ADAMTS16: variants seen among roughly 807,000 people sequenced by gnomAD.
ADAMTS16 encodes the protein A disintegrin and metalloproteinase with thrombospondin motifs 16.
Under a neutral mutation model 145.8 loss-of-function variants are expected in ADAMTS16, and 94 were observed. That is an observed-to-expected ratio of 0.64 (90% CI 0.55 to 0.77). ADAMTS16 has a LOEUF of 0.77. ADAMTS16 is among the 30% of genes least tolerant of loss of function. ADAMTS16 has a pLI of 0.00. For missense variants in ADAMTS16, 1,585 were observed against 1,591.5 expected (o/e 1.00, Z 0.07); for synonymous variants, 659 against 604.3 (o/e 1.09, Z -1.33).
chr5:5,142,231 T>G (rs763484311), intron 2 of ADAMTS16: 5 of 152,206 alleles, frequency 3.3e-5, no homozygotes, highest in African/African-American at 9.6e-5. Context: ...CTAAGTGTGC[T>G]TTTCTCCTAA....
intron 20 of ADAMTS16, among the ~76,000 whole-genome samples, chr5:5,305,212 CCA>C (rs1332599761): frequency 7.6e-5 from 4 of 52,292 alleles, no homozygotes; most frequent in Non-Finnish European, 1.6e-4. Flanking sequence ...CACATCCACA[CCA>C]CACACACACA....
intron 7 of ADAMTS16, among the ~76,000 whole-genome samples, chr5:5,191,458 A>G (rs992067365): frequency 6.6e-6 from 1 of 151,956 alleles, no homozygotes; most frequent in Admixed American, 6.6e-5. Context: ...GTTACATAGA[A>G]CCATGAATTG....
chr5:5,232,943 A>C (rs1487711008), intron 12 of ADAMTS16, among the ~76,000 whole-genome samples: 1 of 152,122 alleles, frequency 6.6e-6, no homozygotes, highest in Non-Finnish European at 1.5e-5. Context: ...ATATAATCGT[A>C]AGAAGCACTG....
intron 9 of ADAMTS16, among the ~76,000 whole-genome samples, chr5:5,202,949 A>C (rs1560947033): frequency 6.6e-6 from 1 of 152,222 alleles, no homozygotes; most frequent in Non-Finnish European, 1.5e-5. Flanking sequence ...TGAAGACATA[A>C]TATAGTCCTA....
intron 7 of ADAMTS16, 76 bp from the exon 8 acceptor site, chr5:5,191,609 G>A (rs1735663981): frequency 8.3e-7 from 1 of 1,205,098 alleles, no homozygotes; most frequent in Admixed American, 1.8e-5. Flanking sequence ...TTTCACTAAG[G>A]GGTAGAAAAT....
In ADAMTS16 at chr5:5,319,601, A is replaced by G. The variant is rs1281677405; in HGVS notation, c.*463A>G. On this transcript the variant is annotated 3_prime_UTR_variant, in exon 23 of 23. Coordinates refer to ENST00000274181, the MANE Select transcript of ADAMTS16 (RefSeq NM_139056.4). ...TCCCACTAGGAGGGCCCCTCGAGCC[A>G]TCAGGAGTGACCAACTTCCTGGGTG... 1 of 330,510 alleles carries G rather than the reference A, an allele frequency of 3.0e-6. No individual in the cohort carries two copies. Among genetic ancestry groups the G allele is most frequent in the Non-Finnish European group, 5.8e-6 (1 of 172,000 alleles). 20.5% of individuals were successfully genotyped at this position (330,510 alleles called of 1,614,324 possible).
intron 18 of ADAMTS16, among the ~76,000 whole-genome samples, chr5:5,297,044 A>C (rs142935028): frequency 6.6e-6 from 1 of 152,300 alleles, no homozygotes; most frequent in East Asian, 1.9e-4. Context: ...GACTGTGACA[A>C]CAGCACTGTT....
intron 11 of ADAMTS16, among the ~76,000 whole-genome samples, chr5:5,228,943 G>A (rs1736842524): frequency 6.6e-6 from 1 of 152,180 alleles, no homozygotes; most frequent in African/African-American, 2.4e-5. Context: ...TTTTACCTTT[G>A]TCAGCATTCC....
At chr5:5,266,908 T>C (rs1738258755) in intron 18 of ADAMTS16, among the ~76,000 whole-genome samples, 2 of 152,216 alleles carry the variant, frequency 1.3e-5, no homozygotes, top group Admixed American at 1.3e-4. Flanking sequence ...GTAATGGAAA[T>C]CTAAGCAGTC....
chr5:5,272,957 C>G (rs1175483892), intron 18 of ADAMTS16, among the ~76,000 whole-genome samples: 2 of 152,180 alleles, frequency 1.3e-5, no homozygotes, highest in Non-Finnish European at 2.9e-5. Context: ...CAGTTTTACT[C>G]AACTTTGGAG....
At chr5:5,263,279 G>GCCCCTAGGAGTTCCTAAA (rs1738100946) in intron 18 of ADAMTS16, among the ~76,000 whole-genome samples, 1 of 152,130 alleles carries the variant, frequency 6.6e-6, no homozygotes, top group Non-Finnish European at 1.5e-5. Flanking sequence ...CACTGCTACT[G>GCCCCTAGGAGTTCCTAAA]CCCCTAGGAG....
rs928028971 is a variant in ADAMTS16, at chr5:5,310,037, A to G, written c.3411+3309A>G. Among the ~76,000 whole-genome samples, 1 of 152,024 alleles carries G rather than the reference A, an allele frequency of 6.6e-6. No homozygotes were observed. The highest frequency in any genetic ancestry group is 6.6e-5 in the Admixed American group (1 of 15,266). Reference sequence around the variant, plus strand: ...GAGACTGACCTGCCAGTGGGGCAAAACCCACCATAGGCCACTCCGCAGGCA... The same window carrying G: ...GAGACTGACCTGCCAGTGGGGCAAAGCCCACCATAGGCCACTCCGCAGGCA... On this transcript the variant is annotated intron_variant, in intron 21 of 22. Coordinates refer to ENST00000274181, the MANE Select transcript of ADAMTS16 (RefSeq NM_139056.4). This position sits in a 1 kb window ranked among gnomAD's most constrained non-coding sequence, Gnocchi z 4.3.
At chr5:5,217,531 AG>A (rs1326296109) in intron 10 of ADAMTS16, among the ~76,000 whole-genome samples, 2 of 152,204 alleles carry the variant, frequency 1.3e-5, no homozygotes, top group African/African-American at 4.8e-5. Context: ...TGAAGAGTGT[AG>A]TACAGACAAT....
intron 18 of ADAMTS16, among the ~76,000 whole-genome samples, chr5:5,293,771 G>C (rs918983429): frequency 4.7e-4 from 72 of 152,366 alleles, no homozygotes; most frequent in African/African-American, 1.7e-3. Flanking sequence ...GCAACCAGTA[G>C]ACATGTTAGT....
intron 18 of ADAMTS16, among the ~76,000 whole-genome samples, chr5:5,298,453 C>T (rs1278436244): frequency 1.3e-5 from 2 of 151,236 alleles, no homozygotes; most frequent in Non-Finnish European, 2.9e-5. Flanking sequence ...TTGTCCTAGA[C>T]CCATAGCAAA....
intron 11 of ADAMTS16, among the ~76,000 whole-genome samples, chr5:5,232,019 A>G (rs1174958356): frequency 2.0e-5 from 3 of 152,208 alleles, no homozygotes; most frequent in Non-Finnish European, 1.5e-5. Flanking sequence ...CCTTGTTTTC[A>G]GGACAGGTCA....
intron 9 of ADAMTS16, among the ~76,000 whole-genome samples, chr5:5,205,557 G>A (rs1736079188): frequency 6.6e-6 from 1 of 152,210 alleles, no homozygotes; most frequent in African/African-American, 2.4e-5. Context: ...ATTCTCACTG[G>A]AGGTAAATGA....
At position 5,239,716 on chromosome 5, in the gene ADAMTS16, CG is replaced by C; in HGVS notation, c.2316del (p.Ser773ValfsTer7). The C allele has an allele frequency of 6.2e-7, 1 of 1,614,124 alleles. No homozygotes were observed. Among genetic ancestry groups the C allele is most frequent in the Non-Finnish European group, 8.5e-7 (1 of 1,180,020 alleles). On this transcript the variant is annotated frameshift_variant, in exon 16 of 23. Transcript: ENST00000274181. LOFTEE classifies it high-confidence loss of function. ...YHMVTIPSGA[R>X]SIRIYEMNVS... ...CATGGTCACCATTCCTTCTGGAGCCCGGAGTATCCGCATCTATGAAATGAAC... is the reference window on the plus strand; with the variant it reads ...CATGGTCACCATTCCTTCTGGAGCCCGAGTATCCGCATCTATGAAATGAAC...
intron 10 of ADAMTS16, among the ~76,000 whole-genome samples, chr5:5,213,963 C>T (rs754449517): frequency 6.6e-6 from 1 of 152,196 alleles, no homozygotes; most frequent in East Asian, 1.9e-4. Context: ...AGCTGACTCT[C>T]AACTAGCTGC....
Sources: allele counts gnomAD v4.1 joint callset (sites outside exome capture counted in the v4.1 genomes callset), GRCh38; gene constraint gnomAD v4.1.1; non-coding constraint Gnocchi (gnomAD v3.1); transcripts MANE v1.5; gene names NCBI Gene and HGNC (gene_info 2026-07-23, HGNC 2026-07-21).